IBA57: variants seen among roughly 807,000 people sequenced by gnomAD.
IBA57 encodes iron-sulfur cluster assembly factor IBA57, mitochondrial.
IBA57 carries 20 observed loss-of-function variants against 20.4 expected under a neutral mutation model. The observed-to-expected ratio is 0.98, with a 90% confidence interval of 0.69 to 1.42. The LOEUF is 1.42. Among genes scored for constraint, IBA57 ranks in the 40% most tolerant of loss-of-function variants. The pLI is 0.00. For missense variants in IBA57, 608 were observed against 499.3 expected (o/e 1.22, Z -2.07); for synonymous variants, 310 against 233.9 (o/e 1.33, Z -2.97).
rs961923449 is a variant in IBA57 at position 228,179,488 on chromosome 1, A to G, written c.*3975A>G. 1.3e-5 allele frequency: 2 copies of G among 152,266 alleles called. No homozygotes were observed. The highest frequency in any genetic ancestry group is 2.9e-5 in the Non-Finnish European group (2 of 68,056). The allele number at this position is 152,266 out of a possible 1,614,324, so 9.4% of individuals were successfully genotyped here. On this transcript the variant is annotated 3_prime_UTR_variant, in exon 3 of 3. Coordinates refer to ENST00000366711, the MANE Select transcript of IBA57 (RefSeq NM_001010867.4). Reference sequence around the variant, plus strand: ...GATGAGACAAGAAGATGGAGAGTTTAGTATGACATCCGCAATTTACGAGTA... The same window carrying G: ...GATGAGACAAGAAGATGGAGAGTTTGGTATGACATCCGCAATTTACGAGTA...
rs2035121577 is a variant in IBA57 at position 228,182,200 on chromosome 1, A to T, written c.*6687A>T. 1 of 152,018 alleles carries T rather than the reference A, an allele frequency of 6.6e-6. No homozygotes were observed. Among genetic ancestry groups the T allele is most frequent in the African/African-American group, 2.4e-5 (1 of 41,360 alleles). 9.4% of individuals were successfully genotyped at this position (152,018 alleles called of 1,614,324 possible). A position where few individuals can be genotyped will look rare whatever the true frequency, so the allele number is the denominator to read the frequency against. ...CATTGATTCATTCATTTCTTCATTC[A>T]TTCAACCATGTATTGAATGCTTATA... On this transcript the variant is annotated 3_prime_UTR_variant, in exon 3 of 3. Transcript: ENST00000366711.
At position 228,180,155 on chromosome 1, in the gene IBA57, C is replaced by T. The variant is rs1193114366; in HGVS notation, c.*4642C>T. 1.7e-5 allele frequency: 1 copy of T among 60,300 alleles called. No individual in the cohort carries two copies. Among genetic ancestry groups the T allele is most frequent in the Admixed American group, 2.6e-4 (1 of 3,842 alleles). 3.7% of individuals were successfully genotyped at this position (60,300 alleles called of 1,614,324 possible). ...TGGGCAATAGAATGAGACTCTGTCT[C>T]AAAAAAAAAAAAAAAAAAAAAAAAA... is the stretch of plus-strand genomic sequence containing the variant. On this transcript the variant is annotated 3_prime_UTR_variant, in exon 3 of 3. Coordinates refer to ENST00000366711, the MANE Select transcript of IBA57 (RefSeq NM_001010867.4).
intron 1 of IBA57, 97 bp downstream of exon 1, chr1:228,166,254 G>A (rs2034851719): frequency 1.1e-6 from 1 of 944,010 alleles, no homozygotes; most frequent in Non-Finnish European, 1.5e-6. Flanking sequence ...GGCCTGCAGA[G>A]GGCGTGGGGG....
At chr1:228,175,076 G>T in intron 2 of IBA57, 46 bp from the exon 3 acceptor site, 2 of 1,585,280 alleles carry the variant, frequency 1.3e-6, no homozygotes, top group African/African-American at 2.7e-5. Flanking sequence ...GGGTGGAGCT[G>T]GACGATGTTC....
At position 228,179,953 on chromosome 1, in the gene IBA57, C is replaced by A. The variant is rs2035081707; in HGVS notation, c.*4440C>A. ...GGTGGATCACCTGAGGTCAGGAGTT[C>A]AAGACCAGCCTGATCAACATGGTGA... On this transcript the variant is annotated 3_prime_UTR_variant, in exon 3 of 3. Transcript: ENST00000366711. 6.6e-6 allele frequency: 1 copy of A among 151,866 alleles called. No homozygotes were observed. The highest frequency in any genetic ancestry group is 1.5e-5 in the Non-Finnish European group (1 of 67,982). 9.4% of individuals were successfully genotyped at this position (151,866 alleles called of 1,614,324 possible).
At chr1:228,173,889 CCT>C (rs57527701) in intron 1 of IBA57, among the ~76,000 whole-genome samples, 261 of 152,366 alleles carry the variant, frequency 1.7e-3, no homozygotes, top group African/African-American at 6.1e-3. Flanking sequence ...TGCGCTGGCC[CCT>C]GTGAGCTCGT....
intron 1 of IBA57, among the ~76,000 whole-genome samples, chr1:228,169,506 G>A (rs1459575488): frequency 6.6e-6 from 1 of 152,130 alleles, no homozygotes; most frequent in East Asian, 1.9e-4. Flanking sequence ...CCCCACCAGA[G>A]TGCTATTTTC....
At position 228,174,715 on chromosome 1, in the gene IBA57, C is replaced by T. The variant is rs1264059322; in HGVS notation, c.365C>T (p.Ser122Phe). The T allele has an allele frequency of 6.3e-7, 1 of 1,582,026 alleles. No homozygotes were observed. The highest frequency in any genetic ancestry group is 2.3e-5 in the East Asian group (1 of 44,320). ...LYGLQEHSEV[S>F]GFLLECDSSV... is the part of the protein sequence containing the mutation. The stretch of plus-strand genomic sequence containing the variant: ...AGGCTCCAGGAACACTCGGAGGTGT[C>T]TGGCTTCCTTCTGGAGTGTGACAGC... The change falls in exon 2 of 3, where the codon TCT becomes TTT. Residue 122 changes from serine (S) to phenylalanine (F), a missense_variant. Physicochemically the swap from Ser to Phe is radical, Grantham distance 155. Transcript: ENST00000366711.
In IBA57 at chr1:228,174,770, C is replaced by CGCGCTATACAGGATCCG. The variant is rs2034982599; in HGVS notation, c.424_440dup (p.Lys148TyrfsTer109). On this transcript the variant is annotated frameshift_variant, in exon 2 of 3. Transcript: ENST00000366711. LOFTEE classifies it high-confidence loss of function. ...TGCAGGGCGCGCTGCAGAAGCACCT[C>CGCGCTATACAGGATCCG]GCGCTATACAGGATCCGGCGGAAGG... 1 of 1,610,036 alleles carries CGCGCTATACAGGATCCG rather than the reference C, an allele frequency of 6.2e-7. No homozygotes were observed. The highest frequency in any genetic ancestry group is 1.3e-5 in the African/African-American group (1 of 74,888).
chr1:228,174,054 T>G (rs2034964384), intron 1 of IBA57, among the ~76,000 whole-genome samples: 1 of 152,124 alleles, frequency 6.6e-6, no homozygotes, highest in African/African-American at 2.4e-5. Flanking sequence ...TCTGCGCTGG[T>G]CTCCAAGGTG....
rs1447936939 is a variant in IBA57, at chr1:228,180,609, C to G, written c.*5096C>G. 6.6e-6 allele frequency: 1 copy of G among 151,458 alleles called. No homozygotes were observed. Among genetic ancestry groups the G allele is most frequent in the African/African-American group, 2.4e-5 (1 of 41,260 alleles). The allele number at this position is 151,458 out of a possible 1,614,324, so 9.4% of individuals were successfully genotyped here. A position where few individuals can be genotyped will look rare whatever the true frequency, so the allele number is the denominator to read the frequency against. ...AAGACCATGGAATTTAAAAGCCAGT[C>G]CTTCAAGGAGAAATGAACAAACTCA... On this transcript the variant is annotated 3_prime_UTR_variant, in exon 3 of 3. Transcript: ENST00000366711.
intron 1 of IBA57, among the ~76,000 whole-genome samples, chr1:228,174,104 C>G (rs866129121): frequency 1.3e-5 from 2 of 152,044 alleles, no homozygotes. Flanking sequence ...GAGGTGCTGC[C>G]TGGTGTGGCT....
rs769063859 is a variant in IBA57 at position 228,175,148 on chromosome 1, C to G, written c.706C>G (p.Pro236Ala). The G allele has an allele frequency of 9.9e-6, 16 of 1,612,606 alleles. No homozygotes were observed. The Admixed American group carries it at 2.7e-4, about 27-fold the overall frequency. ...QGVPEGVRDL[P>A]PGVALPLESN... The stretch of plus-strand genomic sequence containing the variant: ...CGTTCCTGAGGGGGTCCGAGACTTG[C>G]CTCCTGGGGTGGCCCTGCCCCTGGA... The change falls in exon 3 of 3, where the codon CCT (proline) becomes GCT (alanine). Residue 236 changes from proline (P) to alanine (A), a missense_variant. Coordinates refer to ENST00000366711, the MANE Select transcript of IBA57 (RefSeq NM_001010867.4).
chr1:228,166,846 C>T (rs1015579423), intron 1 of IBA57, among the ~76,000 whole-genome samples: 3 of 152,200 alleles, frequency 2.0e-5, no homozygotes, highest in Middle Eastern at 3.2e-3. Context: ...TCGCGGCCGC[C>T]TGCCTGCTGT....
At chr1:228,167,669 T>C (rs946949758) in intron 1 of IBA57, among the ~76,000 whole-genome samples, 1 of 152,238 alleles carries the variant, frequency 6.6e-6, no homozygotes, top group African/African-American at 2.4e-5. Flanking sequence ...GGGCTGCTTT[T>C]GTCTGGAGTG....
chr1:228,174,163 G>A (rs1399242181), intron 1 of IBA57, among the ~76,000 whole-genome samples: 28 of 138,246 alleles, frequency 2.0e-4, no homozygotes, highest in South Asian at 2.4e-4. Flanking sequence ...GTGGCTCGCT[G>A]TGGGCGTGGC....
At position 228,175,681 on chromosome 1, in the gene IBA57, C is replaced by T. The variant is rs904501094; in HGVS notation, c.*168C>T. ...GGTGCCCTGCCTGGCCCCACCCATG[C>T]TCAGGGGCCCCAGGCACGTGGGTTG... On this transcript the variant is annotated 3_prime_UTR_variant, in exon 3 of 3. Transcript: ENST00000366711. 13 of 842,450 alleles carry T rather than the reference C, an allele frequency of 1.5e-5. No individual in the cohort carries two copies. In the African/African-American group the frequency reaches 2.1e-4, roughly 14 times the overall value. The allele number at this position is 842,450 out of a possible 1,614,324, so 52.2% of individuals were successfully genotyped here.
rs561901621 is a variant in IBA57 at position 228,175,816 on chromosome 1, G to A, written c.*303G>A. 5.2e-5 allele frequency: 15 copies of A among 291,216 alleles called. No individual in the cohort carries two copies. The highest frequency in any genetic ancestry group is 8.9e-5 in the Non-Finnish European group (14 of 156,614). The allele number at this position is 291,216 out of a possible 1,614,324, so 18.0% of individuals were successfully genotyped here. ...TCCACACAGGGTTGTCTGGGAGGAC[G>A]GGACGGTGTCTCTGGCCAGCACTGG... On this transcript the variant is annotated 3_prime_UTR_variant, in exon 3 of 3. Coordinates refer to ENST00000366711, the MANE Select transcript of IBA57 (RefSeq NM_001010867.4).
In IBA57 at chr1:228,170,421, C is replaced by A. The variant is rs2034908042; in HGVS notation, c.341+4264C>A. ...AGTTGTAGCTCACTGTACCTTCAAA[C>A]TCCTGGGCTCAAGTGATCCTCCCAC... On this transcript the variant is annotated intron_variant, in intron 1 of 2. Transcript: ENST00000366711. This position sits in a 1 kb window ranked among gnomAD's most constrained non-coding sequence, Gnocchi z 4.8. Among the ~76,000 whole-genome samples the A allele has an allele frequency of 1.3e-5, 2 of 152,170 alleles. No individual in the cohort carries two copies. The highest frequency in any genetic ancestry group is 2.9e-5 in the Non-Finnish European group (2 of 68,018).
Sources: allele counts gnomAD v4.1 joint callset (sites outside exome capture counted in the v4.1 genomes callset), GRCh38; gene constraint gnomAD v4.1.1; non-coding constraint Gnocchi (gnomAD v3.1); transcripts MANE v1.5; gene names NCBI Gene and HGNC (gene_info 2026-07-23, HGNC 2026-07-21).